Variants in LURAP1L observed in about 807,000 individuals in gnomAD.
LURAP1L encodes leucine rich adaptor protein 1 like, also known as leucine rich adaptor protein 1-like.
In LURAP1L, 12 loss-of-function variants were observed where a neutral mutation model predicts 13.8. The observed-to-expected ratio is 0.87, with a 90% CI of 0.56 to 1.41. LURAP1L has a LOEUF of 1.41. Among genes scored for constraint, LURAP1L ranks in the 40% most tolerant of loss-of-function variants. The pLI is 0.00. For synonymous variants in LURAP1L, 139 were observed against 119.2 expected, an observed-to-expected ratio of 1.17 and a Z score of -1.08; for missense variants, 375 against 292.9, an observed-to-expected ratio of 1.28 and a Z score of -2.04.
At chr9:12,777,383 A>C in intron 1 of LURAP1L, 2 of 985,320 alleles carry the variant, frequency 2.0e-6, no homozygotes, top group Non-Finnish European at 2.4e-6. Flanking sequence ...CTAACAGGTA[A>C]AACTATTTTC....
At chr9:12,784,316 G>A (rs926847891) in intron 1 of LURAP1L, among the ~76,000 whole-genome samples, 2 of 152,102 alleles carry the variant, frequency 1.3e-5, no homozygotes, top group Non-Finnish European at 2.9e-5. Context: ...CATAGTCTGG[G>A]CTTGCTTGTA....
chr9:12,808,216 T>C (rs1819687436), intron 1 of LURAP1L, among the ~76,000 whole-genome samples: 1 of 152,118 alleles, frequency 6.6e-6, no homozygotes, highest in African/African-American at 2.4e-5. Flanking sequence ...ATTTTTCTTC[T>C]CTCTGAAGAA....
intron 1 of LURAP1L, among the ~76,000 whole-genome samples, chr9:12,782,180 G>A (rs1819282149): frequency 6.6e-6 from 1 of 152,196 alleles, no homozygotes; most frequent in Non-Finnish European, 1.5e-5. Flanking sequence ...TGGGTAGTTT[G>A]CAAATATTTT....
In LURAP1L at chr9:12,822,113, A is replaced by G. The variant is rs1278402152; in HGVS notation, c.*353A>G. The G allele has an allele frequency of 2.1e-5, 4 of 189,784 alleles. No individual in the cohort carries two copies. The highest frequency in any genetic ancestry group is 1.3e-4 in the East Asian group (1 of 7,578). The allele number at this position is 189,784 out of a possible 1,614,324, so 11.8% of individuals were successfully genotyped here. ...ACTTTGCTAAATTTTACAATAAACC[A>G]AAGTCTGATAACAGTTAATGTTGCT... On this transcript the variant is annotated 3_prime_UTR_variant, in exon 2 of 2. Transcript: ENST00000319264.
At chr9:12,788,199 A>AGAAAG (rs1477350272) in intron 1 of LURAP1L, among the ~76,000 whole-genome samples, 1 of 106,602 alleles carries the variant, frequency 9.4e-6, no homozygotes, top group Non-Finnish European at 2.0e-5. Flanking sequence ...AAGAAAAGAA[A>AGAAAG]AGAAAAGAAA....
chr9:12,792,461 A>G (rs772739242), intron 1 of LURAP1L, among the ~76,000 whole-genome samples: 2 of 152,158 alleles, frequency 1.3e-5, no homozygotes, highest in Non-Finnish European at 2.9e-5. Flanking sequence ...AGTTATGAGG[A>G]TACAATGATT....
At position 12,821,328 on chromosome 9, in the gene LURAP1L, T is replaced by C. The variant is rs564684750; in HGVS notation, c.313-58T>C. 7.0e-5 allele frequency: 108 copies of C among 1,543,044 alleles called. 1 individual carries two copies. The African/African-American group carries it at 1.3e-3, about 19-fold the overall frequency. On this transcript the variant is annotated intron_variant, in intron 1 of 1. Transcript: ENST00000319264. ...GCAGCAGACAGTCCCCAGATGAATT[T>C]GAGGCCTTTCGAGAGTGTAAAATGG...
At chr9:12,785,467 C>T (rs1039264554) in intron 1 of LURAP1L, among the ~76,000 whole-genome samples, 4 of 152,056 alleles carry the variant, frequency 2.6e-5, no homozygotes, top group African/African-American at 9.7e-5. Flanking sequence ...GCCTAGGCTA[C>T]CTTTCAAGTT....
At chr9:12,815,239 T>C (rs983752615) in intron 1 of LURAP1L, among the ~76,000 whole-genome samples, 2 of 152,076 alleles carry the variant, frequency 1.3e-5, no homozygotes, top group Non-Finnish European at 2.9e-5. Context: ...AGAGGGCAAA[T>C]TTGAACACAA....
chr9:12,812,853 C>A (rs1489451866), intron 1 of LURAP1L, among the ~76,000 whole-genome samples: 1 of 152,132 alleles, frequency 6.6e-6, no homozygotes, highest in Non-Finnish European at 1.5e-5. Context: ...AAATGTTCAA[C>A]TGAGTTTAGA....
chr9:12,802,843 G>C (rs746313178), intron 1 of LURAP1L, among the ~76,000 whole-genome samples: 3 of 152,018 alleles, frequency 2.0e-5, no homozygotes, highest in Admixed American at 6.6e-5. Context: ...ACCAACACCT[G>C]CTCCCCTGGT....
intron 1 of LURAP1L, among the ~76,000 whole-genome samples, chr9:12,787,723 A>G (rs1819376931): frequency 6.6e-6 from 1 of 152,182 alleles, no homozygotes; most frequent in Non-Finnish European, 1.5e-5. Context: ...AGACAATTCC[A>G]TAATCATTCA....
intron 1 of LURAP1L, among the ~76,000 whole-genome samples, chr9:12,807,510 C>G (rs1819676377): frequency 6.6e-6 from 1 of 152,120 alleles, no homozygotes; most frequent in African/African-American, 2.4e-5. Flanking sequence ...AATATGATGC[C>G]TTAGTCCTCT....
intron 1 of LURAP1L, among the ~76,000 whole-genome samples, chr9:12,819,253 TC>T (rs1441671351): frequency 6.6e-6 from 1 of 152,168 alleles, no homozygotes; most frequent in Non-Finnish European, 1.5e-5. Flanking sequence ...GTGACTCAAG[TC>T]ACTTCAGTAT....
chr9:12,775,829 G>A lies in LURAP1L; in HGVS notation c.114G>A (p.Arg38=). The A allele has an allele frequency of 6.2e-7, 1 of 1,606,062 alleles. No individual in the cohort carries two copies. The highest frequency in any genetic ancestry group is 1.1e-5 in the South Asian group (1 of 90,470). Residue 38 remains arginine, a synonymous_variant, in exon 1 of 2, where the codon AGG becomes AGA. Transcript: ENST00000319264. ...GGGAGGAGCCGGTTCCCAGGGAAAG[G>A]GACAGGGACCCCTGCGGGGGGAGCG... The part of the protein sequence containing the change: ...LRGEEPVPRE[R]DRDPCGGSGG...
In LURAP1L at chr9:12,776,027, GGTGA is replaced by G. The variant is rs761650878; in HGVS notation, c.312+4_312+7del. ...AGCTTCACCTCCTCAGGCAAGAGAT[GGTGA>G]GTGTGGTGCGCCAGCCGCGGGGGCT... is the stretch of plus-strand genomic sequence containing the variant. On this transcript the variant is annotated splice_donor_variant and splice_donor_region_variant and intron_variant, in intron 1 of 1. Transcript: ENST00000319264. LOFTEE classifies it high-confidence loss of function. 3 of 1,612,902 alleles carry G rather than the reference GGTGA, an allele frequency of 1.9e-6. No individual in the cohort carries two copies. The South Asian group carries it at 3.3e-5, about 18-fold the overall frequency.
chr9:12,795,040 A>G (rs974841231), intron 1 of LURAP1L, among the ~76,000 whole-genome samples: 5 of 152,002 alleles, frequency 3.3e-5, no homozygotes, highest in African/African-American at 9.7e-5. Context: ...TAATTTTGAT[A>G]TGAAAGAAAT....
intron 1 of LURAP1L, among the ~76,000 whole-genome samples, chr9:12,817,925 C>T (rs1303019276): frequency 6.6e-6 from 1 of 152,102 alleles, no homozygotes; most frequent in African/African-American, 2.4e-5. Context: ...CCTGGAGCTC[C>T]TGGTAATGGA....
intron 1 of LURAP1L, among the ~76,000 whole-genome samples, chr9:12,799,624 T>TATAC (rs1455864484): frequency 6.6e-6 from 1 of 152,172 alleles, no homozygotes; most frequent in Admixed American, 6.5e-5. Context: ...CTCACGCCTG[T>TATAC]AATCCCAGCA....
Sources: allele counts gnomAD v4.1 joint callset (sites outside exome capture counted in the v4.1 genomes callset), GRCh38; gene constraint gnomAD v4.1.1; transcripts MANE v1.5; gene names NCBI Gene and HGNC (gene_info 2026-07-23, HGNC 2026-07-21).